The following TOR1AIP1 variants were observed in gnomAD, a reference collection of about 807,000 sequenced individuals.
The protein encoded by TOR1AIP1 is torsin-1A-interacting protein 1.
TOR1AIP1 carries 54 observed loss-of-function variants against 63.3 expected under a neutral mutation model. The ratio of observed to expected loss-of-function variants is 0.85; its 90% CI spans 0.69 to 1.07. TOR1AIP1 has a LOEUF of 1.07. TOR1AIP1 is among the 50% of genes least tolerant of loss of function. The pLI is 0.00. For synonymous variants in TOR1AIP1, 294 were observed against 273.5 expected, an observed-to-expected ratio of 1.07 and a Z score of -0.74; for missense variants, 736 against 715.0, an observed-to-expected ratio of 1.03 and a Z score of -0.33.
intron 3 of TOR1AIP1, among the ~76,000 whole-genome samples, chr1:179,891,890 C>T (rs563248449): frequency 4.6e-5 from 7 of 152,006 alleles, no homozygotes; most frequent in Admixed American, 1.3e-4. Context: ...AAAGTGAATT[C>T]GATACGTTGT....
chr1:179,906,428 T>A (rs930874180), intron 6 of TOR1AIP1, among the ~76,000 whole-genome samples: 3 of 152,218 alleles, frequency 2.0e-5, no homozygotes, highest in Non-Finnish European at 4.4e-5. Flanking sequence ...TCGATACTTG[T>A]ATTTATCATC....
At chr1:179,904,135 A>C in intron 6 of TOR1AIP1, 113 bp downstream of exon 6, 3 of 748,222 alleles carry the variant, frequency 4.0e-6, no homozygotes, top group East Asian at 2.9e-5. Context: ...AGGAATAATG[A>C]ATGCTAAAAA....
At chr1:179,910,193 G>A (rs1295425682) in intron 8 of TOR1AIP1, among the ~76,000 whole-genome samples, 2 of 152,116 alleles carry the variant, frequency 1.3e-5, no homozygotes, top group South Asian at 2.1e-4. Flanking sequence ...GTTAAATCTC[G>A]ACCATATTTT....
At chr1:179,917,019 A>G (rs2148483844) in intron 9 of TOR1AIP1, among the ~76,000 whole-genome samples, 1 of 152,222 alleles carries the variant, frequency 6.6e-6, no homozygotes, top group East Asian at 1.9e-4. Context: ...TATGTACTTC[A>G]GAAATATTTC....
At position 179,916,700 on chromosome 1, in the gene TOR1AIP1, C is replaced by CCTTTTCTT. The variant is rs1648997385; in HGVS notation, c.965-752_965-751insCTTTTCTT. ...ATGTTCATTTATATTGCATCCTTTT[C>CCTTTTCTT]TTTTTTTTTTTTTTTTTTTTTGAGA... On this transcript the variant is annotated intron_variant, in intron 9 of 9. Coordinates refer to ENST00000606911, the MANE Select transcript of TOR1AIP1 (RefSeq NM_015602.4). Among the ~76,000 whole-genome samples the CCTTTTCTT allele has an allele frequency of 7.4e-5, 7 of 95,160 alleles. No homozygotes were observed. In the East Asian group the frequency reaches 2.3e-3, roughly 31 times the overall value. 62.4% of individuals were successfully genotyped at this position (95,160 alleles called of 152,430 possible). A position where few individuals can be genotyped will look rare whatever the true frequency, so the allele number is the denominator to read the frequency against.
intron 3 of TOR1AIP1, among the ~76,000 whole-genome samples, chr1:179,898,603 T>C (rs1648355370): frequency 6.6e-6 from 1 of 152,152 alleles, no homozygotes; most frequent in Non-Finnish European, 1.5e-5. Flanking sequence ...CTCATGCCTG[T>C]ATTACAGTCT....
chr1:179,907,605 ATATATATATATATGTATATATATG>A (rs1648684337), intron 6 of TOR1AIP1, among the ~76,000 whole-genome samples, 194 bp from the exon 7 acceptor site: 1 of 23,072 alleles, frequency 4.3e-5, no homozygotes, highest in South Asian at 2.1e-3. Context: ...ATATATATAT[ATATATATATATATGTATATATATG>A]TATATATATA....
rs375127929 is a variant in TOR1AIP1, at chr1:179,917,952, A to G, written c.1465A>G (p.Thr489Ala). The part of the protein sequence containing the change: ...HRFESFPAGS[T>A]LIFYKYCDHE... ...CTTTGAGTCATTTCCCGCAGGCTCTACTTTGATCTTCTACAAATATTGTGA... is the reference window on the plus strand; with the variant it reads ...CTTTGAGTCATTTCCCGCAGGCTCTGCTTTGATCTTCTACAAATATTGTGA... The change falls in exon 10 of 10, where the codon ACT becomes GCT. Residue 489 changes from threonine to alanine, a missense_variant. Physicochemically the swap from Thr to Ala is moderately conservative, Grantham distance 58. Coordinates refer to ENST00000606911, the MANE Select transcript of TOR1AIP1 (RefSeq NM_015602.4). 3.1e-6 allele frequency: 5 copies of G among 1,614,132 alleles called. No individual in the cohort carries two copies. Among genetic ancestry groups the G allele is most frequent in the African/African-American group, 2.7e-5 (2 of 74,942 alleles).
At chr1:179,901,414 C>G (rs1263223067) in intron 5 of TOR1AIP1, 26 bp downstream of exon 5, 1 of 1,407,260 alleles carries the variant, frequency 7.1e-7, no homozygotes, top group African/African-American at 1.4e-5. Flanking sequence ...ATACATATGA[C>G]TCTTCTCATA....
At chr1:179,903,669 CAG>C (rs936745136) in intron 5 of TOR1AIP1, among the ~76,000 whole-genome samples, 4 of 152,048 alleles carry the variant, frequency 2.6e-5, no homozygotes, top group African/African-American at 9.7e-5. Context: ...CCACCACGCC[CAG>C]ATAATTTTTG....
intron 3 of TOR1AIP1, among the ~76,000 whole-genome samples, chr1:179,897,388 G>C (rs182793642): frequency 2.3e-4 from 35 of 152,306 alleles, no homozygotes; most frequent in Middle Eastern, 3.4e-3. Context: ...GGTATATGGA[G>C]AAATGACTGT....
intron 3 of TOR1AIP1, among the ~76,000 whole-genome samples, 192 bp downstream of exon 3, chr1:179,889,561 A>G (rs1486959294): frequency 6.6e-6 from 1 of 152,080 alleles, no homozygotes; most frequent in East Asian, 1.9e-4. Context: ...TTGTCAGTTT[A>G]TATTTTTTGG....
intron 3 of TOR1AIP1, 89 bp from the exon 4 acceptor site, chr1:179,900,037 T>G: frequency 1.0e-6 from 1 of 976,744 alleles, no homozygotes; most frequent in Non-Finnish European, 1.6e-6. Context: ...TTCCTAAGCT[T>G]TAACTTTTTT....
At chr1:179,905,329 C>T (rs545754780) in intron 6 of TOR1AIP1, among the ~76,000 whole-genome samples, 1 of 152,036 alleles carries the variant, frequency 6.6e-6, no homozygotes, top group South Asian at 2.1e-4. Flanking sequence ...TGCCGTGAGC[C>T]GAGATTGTGT....
At chr1:179,907,743 A>G in intron 6 of TOR1AIP1, 80 bp from the exon 7 acceptor site, 1 of 1,108,518 alleles carries the variant, frequency 9.0e-7, no homozygotes, top group South Asian at 1.7e-5. Context: ...TCCACAGTAA[A>G]CAAGCAAAAT....
chr1:179,916,281 G>A lies in TOR1AIP1; in HGVS notation c.965-1171G>A, dbSNP rs76589719. 4.5e-3 allele frequency among the ~76,000 whole-genome samples: 684 copies of A among 152,180 alleles called. 3 individuals carry two copies. Among genetic ancestry groups the A allele is most frequent in the African/African-American group, 0.016 (662 of 41,494 alleles). ...GTCATCAGTGCAAATGTCAACACAA[G>A]GTGAAAGTCAAATAACATCTTAGTG... On this transcript the variant is annotated intron_variant, in intron 9 of 9. Transcript: ENST00000606911.
rs1170554991 is a variant in TOR1AIP1, at chr1:179,900,187, C to A, written c.652+20C>A. ...AAGAAGGTATTTTACTTGTAAATAT[C>A]ATATAATATATACTTTAAGTCTTTT... is the stretch of plus-strand genomic sequence containing the variant. On this transcript the variant is annotated intron_variant, in intron 4 of 9. Transcript: ENST00000606911. 2.0e-6 allele frequency: 3 copies of A among 1,506,968 alleles called. No individual in the cohort carries two copies. Among genetic ancestry groups the A allele is most frequent in the Admixed American group, 3.4e-5 (2 of 59,118 alleles). 93.3% of individuals were successfully genotyped at this position (1,506,968 alleles called of 1,614,324 possible).
At chr1:179,901,693 G>C (rs1042753651) in intron 5 of TOR1AIP1, among the ~76,000 whole-genome samples, 1 of 151,922 alleles carries the variant, frequency 6.6e-6, no homozygotes, top group South Asian at 2.1e-4. Context: ...ATTGCCATTG[G>C]GACTGACAAC....
chr1:179,899,988 C>T, intron 3 of TOR1AIP1, 138 bp from the exon 4 acceptor site: 2 of 596,066 alleles, frequency 3.4e-6, no homozygotes, highest in Non-Finnish European at 5.9e-6. Context: ...TTAATGTGTC[C>T]TCATGTTCAT....
Sources: gnomAD v4.1 joint callset for allele counts (sites outside exome capture counted in the v4.1 genomes callset) on GRCh38, gnomAD v4.1.1 for gene constraint, MANE v1.5 for transcripts, NCBI Gene and HGNC (gene_info 2026-07-23, HGNC 2026-07-21) for gene names.